The following SART3 variants were observed in gnomAD, a reference collection of about 807,000 sequenced individuals.
SART3 encodes the protein spliceosome associated factor 3, U4/U6 recycling protein.
Under a neutral mutation model 122.3 loss-of-function variants are expected in SART3, and 44 were observed. The ratio of observed to expected loss-of-function variants is 0.36; its 90% CI spans 0.28 to 0.46. The LOEUF is 0.46. SART3 is among the 20% of genes least tolerant of loss of function. The pLI is 1.00. For synonymous variants in SART3, 442 were observed against 454.0 expected, an observed-to-expected ratio of 0.97 and a Z score of 0.34; for missense variants, 1,101 against 1,229.0, an observed-to-expected ratio of 0.90 and a Z score of 1.56.
At chr12:108,544,809 C>A in intron 4 of SART3, 1 of 569,502 alleles carries the variant, frequency 1.8e-6, no homozygotes, top group Non-Finnish European at 3.1e-6. Context: ...AAGTGATCCT[C>A]TGGCCTCAGC....
chr12:108,532,370 C>A, intron 12 of SART3, 36 bp from the exon 13 acceptor site: 1 of 1,589,014 alleles, frequency 6.3e-7, no homozygotes, highest in South Asian at 1.1e-5. Context: ...GCCACCAGGA[C>A]ACAAAGTGGA....
intron 13 of SART3, chr12:108,531,940 G>A (rs1209277786): frequency 5.0e-5 from 20 of 402,070 alleles, no homozygotes; most frequent in Admixed American, 1.1e-4. Context: ...AGGGCTAGAA[G>A]CCAGGGATGC....
chr12:108,560,450 A>G (rs1472771376), intron 1 of SART3: 2 of 344,436 alleles, frequency 5.8e-6, no homozygotes, highest in African/African-American at 4.2e-5. Context: ...ACATAACAAA[A>G]TAACACTCTC....
rs1314324086 is a variant in SART3, at chr12:108,522,369, A to G, written c.*1088T>C. 2.0e-5 allele frequency among the ~76,000 whole-genome samples: 3 copies of G among 152,238 alleles called. No homozygotes were observed. The highest frequency in any genetic ancestry group is 4.4e-5 in the Non-Finnish European group (3 of 68,034). On this transcript the variant is annotated 3_prime_UTR_variant, in exon 19 of 19. Transcript: ENST00000546815. Reference sequence around the variant, plus strand: ...TGAGGAGTTGATTCCCACGACATATACAAGGATTCCCTGACGTCTTTCTCC... The same window carrying G: ...TGAGGAGTTGATTCCCACGACATATGCAAGGATTCCCTGACGTCTTTCTCC...
At chr12:108,559,039 G>GAAAAAAAA (rs747479698) in intron 1 of SART3, among the ~76,000 whole-genome samples, 16 of 103,918 alleles carry the variant, frequency 1.5e-4, no homozygotes, top group East Asian at 2.9e-4. Context: ...TCTCAAAAAA[G>GAAAAAAAA]AAAAAAAAAA....
chr12:108,532,207 A>G lies in SART3; in HGVS notation c.1669+15T>C. The G allele has an allele frequency of 1.2e-6, 2 of 1,608,312 alleles. No homozygotes were observed. The highest frequency in any genetic ancestry group is 1.1e-5 in the South Asian group (1 of 90,916). ...TGGGTTAGGCTCCAAGCCAGAAGAG[A>G]GCTGGGGGTCCCACCTTCTGTCCTC... On this transcript the variant is annotated intron_variant, in intron 13 of 18. Transcript: ENST00000546815.
intron 9 of SART3, chr12:108,537,048 C>A: frequency 1.9e-6 from 1 of 513,930 alleles, no homozygotes; most frequent in Non-Finnish European, 3.5e-6. Context: ...GTGACACAGG[C>A]AAACAAGAGA....
intron 15 of SART3, 62 bp downstream of exon 15, chr12:108,530,080 T>C: frequency 1.3e-6 from 2 of 1,580,902 alleles, no homozygotes; most frequent in South Asian, 1.1e-5. Flanking sequence ...TTCTTCATAC[T>C]GTATTCGCAA....
intron 1 of SART3, among the ~76,000 whole-genome samples, chr12:108,551,235 G>A: frequency 6.6e-6 from 1 of 152,094 alleles, no homozygotes; most frequent in Non-Finnish European, 1.5e-5. Flanking sequence ...AATTACTAGA[G>A]ATAAAAAGGA....
intron 16 of SART3, chr12:108,525,887 C>T: frequency 1.6e-6 from 1 of 621,126 alleles, no homozygotes; most frequent in South Asian, 2.0e-5. Context: ...CAGCACAGTC[C>T]CTTGTCATTG....
rs376169245 is a variant in SART3, at chr12:108,535,399, T to C, written c.1516A>G (p.Lys506Glu). ...TACTCTAGCCACATGTTGGCGTACT[T>C]GGCATTTCCTCTGGTCATGATGCTA... ...WDSIMTRGNA[K>E]YANMWLEYYN... is the part of the protein sequence containing the mutation. The change falls in exon 12 of 19, where the codon AAG becomes GAG. Residue 506 changes from lysine (K) to glutamate (E), a missense_variant. Coordinates refer to ENST00000546815, the MANE Select transcript of SART3 (RefSeq NM_014706.4). 7 of 1,614,020 alleles carry C rather than the reference T, an allele frequency of 4.3e-6. No individual in the cohort carries two copies. The highest frequency in any genetic ancestry group is 2.7e-5 in the African/African-American group (2 of 74,920).
At chr12:108,558,645 C>T (rs2030331486) in intron 1 of SART3, among the ~76,000 whole-genome samples, 1 of 152,210 alleles carries the variant, frequency 6.6e-6, no homozygotes, top group Admixed American at 6.5e-5. Context: ...GAAGAAATGA[C>T]ATCAACAAGG....
chr12:108,556,705 G>A (rs893008010), intron 1 of SART3, among the ~76,000 whole-genome samples: 16 of 152,248 alleles, frequency 1.1e-4, no homozygotes, highest in African/African-American at 3.6e-4. Flanking sequence ...ATGACACACT[G>A]ATGTTTCAAA....
At chr12:108,550,409 A>G (rs1046164939) in intron 1 of SART3, among the ~76,000 whole-genome samples, 1 of 152,252 alleles carries the variant, frequency 6.6e-6, no homozygotes, top group East Asian at 1.9e-4. Context: ...ACACAGTATT[A>G]TTTAAAAGTG....
rs147596298 is a variant in SART3, at chr12:108,523,467, A to T, written c.2882T>A (p.Leu961Gln). 9.3e-6 allele frequency: 15 copies of T among 1,612,306 alleles called. No individual in the cohort carries two copies. The African/African-American group carries it at 1.9e-4, about 20-fold the overall frequency. The change falls in exon 19 of 19, where the codon CTG (leucine) becomes CAG (glutamine). Residue 961 changes from leucine to glutamine, a missense_variant. Leu to Gln is a moderately radical substitution (Grantham distance 113). Around this residue, in one of 2 missense-constraint regions of SART3, gnomAD observed 885 missense variants for 1,080.1 expected, o/e 0.82. Transcript: ENST00000546815. ...MSNADFAKLF[L>Q]RK ...CTCCCAGCGTCCCGTTCACTTTCTC[A>T]GAAACAGCTTGGCAAAATCGGCATT...
At chr12:108,558,574 C>G (rs1003359600) in intron 1 of SART3, among the ~76,000 whole-genome samples, 2 of 152,128 alleles carry the variant, frequency 1.3e-5, no homozygotes, top group African/African-American at 4.8e-5. Context: ...TCTCTGGTCC[C>G]AAACCTCTCT....
intron 6 of SART3, among the ~76,000 whole-genome samples, chr12:108,539,548 T>C (rs1248924563): frequency 6.6e-6 from 1 of 152,226 alleles, no homozygotes; most frequent in Admixed American, 6.5e-5. Context: ...TGTAGATAAA[T>C]GCAGAAGATG....
chr12:108,532,098 T>C (rs746033145), intron 13 of SART3, 124 bp downstream of exon 13: 31 of 771,902 alleles, frequency 4.0e-5, no homozygotes, highest in African/African-American at 8.6e-5. Flanking sequence ...AGTCTAATCA[T>C]AGGGCACCAC....
chr12:108,524,468 C>A lies in SART3; in HGVS notation c.2562G>T (p.Ala854=). 1 of 1,614,170 alleles carries A rather than the reference C, an allele frequency of 6.2e-7. No homozygotes were observed. The highest frequency in any genetic ancestry group is 8.5e-7 in the Non-Finnish European group (1 of 1,180,032). The change falls in exon 18 of 19, where the codon GCG becomes GCT. Residue 854 remains alanine, a synonymous_variant. Coordinates refer to ENST00000546815, the MANE Select transcript of SART3 (RefSeq NM_014706.4). Reference sequence around the variant, plus strand: ...CGTCCATCTTCATCACAGCCTGCGACGCCTGGGATTCATTTTCATACTCCA... The same window carrying A: ...CGTCCATCTTCATCACAGCCTGCGAAGCCTGGGATTCATTTTCATACTCCA... ...AYVEYENESQ[A]SQAVMKMDGM... is the part of the protein sequence containing the mutation.
Sources: gnomAD v4.1 joint callset for allele counts (sites outside exome capture counted in the v4.1 genomes callset) on GRCh38, gnomAD v4.1.1 for gene constraint, gnomAD v4.1.1 regional missense constraint, MANE v1.5 for transcripts, NCBI Gene and HGNC (gene_info 2026-07-23, HGNC 2026-07-21) for gene names.